PUM2: variants seen among roughly 807,000 people sequenced by gnomAD.
PUM2 encodes pumilio homolog 2.
PUM2 carries 57 observed loss-of-function variants against 124.5 expected under a neutral mutation model. The ratio of observed to expected loss-of-function variants is 0.46; its 90% CI spans 0.37 to 0.57. The LOEUF is 0.57. Among genes scored for constraint, PUM2 ranks in the 20% least tolerant of loss-of-function variants. The probability of loss-of-function intolerance (pLI) is 0.00; values close to 1 mark genes in which losing one functional copy is unlikely to be tolerated. For synonymous variants in PUM2, 460 were observed against 446.1 expected, an observed-to-expected ratio of 1.03 and a Z score of -0.39; for missense variants, 1,065 against 1,290.6, an observed-to-expected ratio of 0.83 and a Z score of 2.68.
At chr2:20,265,548 C>A (rs1321760856) in intron 13 of PUM2, among the ~76,000 whole-genome samples, 1 of 152,144 alleles carries the variant, frequency 6.6e-6, no homozygotes. Flanking sequence ...AGCATCTTTG[C>A]CCTTTTAGAA....
In PUM2 at chr2:20,271,511, G is replaced by A. The variant is rs532757623; in HGVS notation, c.1957+7072C>T. 1.8e-4 allele frequency among the ~76,000 whole-genome samples: 27 copies of A among 152,034 alleles called. No homozygotes were observed. In the South Asian group the frequency reaches 3.9e-3, roughly 22 times the overall value. ...GTATTTTTAATAGAGACGGGGTTTC[G>A]CCACATTGCCCAGGCTGGTCTCGAA... On this transcript the variant is annotated intron_variant, in intron 13 of 20. Transcript: ENST00000361078.
Position 20,251,453 on chromosome 2 carries a change from G to A in PUM2, c.*132C>T, listed in dbSNP as rs1192494005. 8.9e-6 allele frequency: 10 copies of A among 1,128,782 alleles called. No individual in the cohort carries two copies. Among genetic ancestry groups the A allele is most frequent in the African/African-American group, 1.6e-5 (1 of 63,322 alleles). 69.9% of individuals were successfully genotyped at this position (1,128,782 alleles called of 1,614,324 possible). A position where few individuals can be genotyped will look rare whatever the true frequency, so the allele number is the denominator to read the frequency against. On this transcript the variant is annotated 3_prime_UTR_variant, in exon 21 of 21. Transcript: ENST00000361078. ...AACCTTAAAAAATTTACAAATGGAT[G>A]AATAAAGTCAATAAATAGTTTTGCT...
Position 20,251,408 on chromosome 2 carries a change from AC to A in PUM2, c.*176del. 4 of 689,796 alleles carry A rather than the reference AC, an allele frequency of 5.8e-6. No individual in the cohort carries two copies. Among genetic ancestry groups the A allele is most frequent in the Non-Finnish European group, 6.8e-6 (3 of 443,754 alleles). 42.7% of individuals were successfully genotyped at this position (689,796 alleles called of 1,614,324 possible). A position where few individuals can be genotyped will look rare whatever the true frequency, so the allele number is the denominator to read the frequency against. On this transcript the variant is annotated 3_prime_UTR_variant, in exon 21 of 21. Transcript: ENST00000361078. Reference sequence around the variant, plus strand: ...GAATATAATTTATAATTCATCCCCCACCCCCCAAATATACACAAGAACCTTA... The same window carrying A: ...GAATATAATTTATAATTCATCCCCCACCCCCAAATATACACAAGAACCTTA...
chr2:20,339,746 G>A (rs1448533921), intron 1 of PUM2, among the ~76,000 whole-genome samples: 1 of 152,126 alleles, frequency 6.6e-6, no homozygotes, highest in Admixed American at 6.5e-5. Flanking sequence ...CAACTGTGGG[G>A]GCACACGCCT....
chr2:20,263,466 ACAAAG>A lies in PUM2; in HGVS notation c.1958-11_1958-7del. 2 of 1,591,596 alleles carry A rather than the reference ACAAAG, an allele frequency of 1.3e-6. No individual in the cohort carries two copies. Among genetic ancestry groups the A allele is most frequent in the Non-Finnish European group, 1.7e-6 (2 of 1,162,982 alleles). ...ACTACCATTTGTCAGTCCTCCTACA[ACAAAG>A]CAGCTATGGTCAGCAAGTATTTTTG... On this transcript the variant is annotated splice_polypyrimidine_tract_variant and splice_region_variant and intron_variant, in intron 13 of 20. Transcript: ENST00000361078.
intron 2 of PUM2, among the ~76,000 whole-genome samples, chr2:20,323,721 A>T (rs1375511085): frequency 1.3e-5 from 2 of 152,098 alleles, no homozygotes; most frequent in East Asian, 3.9e-4. Flanking sequence ...CACATTCTGC[A>T]TAAGGAAAAC....
At chr2:20,327,248 A>T in intron 2 of PUM2, 62 bp downstream of exon 2, 1 of 1,235,252 alleles carries the variant, frequency 8.1e-7, no homozygotes, top group Non-Finnish European at 1.2e-6. Flanking sequence ...AAAAAAAAAA[A>T]ATAAGTTACA....
intron 1 of PUM2, among the ~76,000 whole-genome samples, chr2:20,341,567 G>A (rs1687233649): frequency 6.6e-6 from 1 of 152,110 alleles, no homozygotes; most frequent in Admixed American, 6.5e-5. Context: ...AGGTACTGTT[G>A]GCTTTATCTT....
At chr2:20,344,596 T>C (rs1200191787) in intron 1 of PUM2, among the ~76,000 whole-genome samples, 1 of 152,168 alleles carries the variant, frequency 6.6e-6, no homozygotes, top group Non-Finnish European at 1.5e-5. Flanking sequence ...TAAACTCTTG[T>C]CATTCTACCC....
chr2:20,251,252 T>G lies in PUM2; in HGVS notation c.*333A>C, dbSNP rs1663225418. 1 of 191,862 alleles carries G rather than the reference T, an allele frequency of 5.2e-6. No individual in the cohort carries two copies. Among genetic ancestry groups the G allele is most frequent in the African/African-American group, 2.4e-5 (1 of 42,402 alleles). 11.9% of individuals were successfully genotyped at this position (191,862 alleles called of 1,614,324 possible). On this transcript the variant is annotated 3_prime_UTR_variant, in exon 21 of 21. Coordinates refer to ENST00000361078, the MANE Select transcript of PUM2 (RefSeq NM_015317.5). ...ATACTGTACTTTTTCCTTTAAAAACTATTTTTGTGACTTTACAAGGTAAAA... is the reference window on the plus strand; with the variant it reads ...ATACTGTACTTTTTCCTTTAAAAACGATTTTTGTGACTTTACAAGGTAAAA...
At chr2:20,291,081 AAT>A (rs774441512) in intron 9 of PUM2, among the ~76,000 whole-genome samples, 1 of 151,390 alleles carries the variant, frequency 6.6e-6, no homozygotes, top group African/African-American at 2.4e-5. Context: ...TTTAAAAAAT[AAT>A]AATAATAATA....
At chr2:20,345,457 T>G (rs1688066462) in intron 1 of PUM2, among the ~76,000 whole-genome samples, 1 of 152,126 alleles carries the variant, frequency 6.6e-6, no homozygotes, top group Non-Finnish European at 1.5e-5. Context: ...CATGCTGCAC[T>G]GTAATCACAA....
chr2:20,263,227 T>G lies in PUM2; in HGVS notation c.2191A>C (p.Ile731Leu), dbSNP rs1666719183. ...TGCTGGTCTTGAGAAAACTCAACTA[T>G]ATGTCCAATCAAGTCTCTAAGCTGA... ...NLQLRDLIGH[I>L]VEFSQDQHGS... Residue 731 changes from isoleucine to leucine, a missense_variant, in exon 14 of 21, where the codon ATA becomes CTA. Physicochemically the swap from Ile to Leu is conservative, Grantham distance 5. Coordinates refer to ENST00000361078, the MANE Select transcript of PUM2 (RefSeq NM_015317.5). 1 of 1,602,928 alleles carries G rather than the reference T, an allele frequency of 6.2e-7. No individual in the cohort carries two copies. Among genetic ancestry groups the G allele is most frequent in the Non-Finnish European group, 8.5e-7 (1 of 1,169,840 alleles).
intron 3 of PUM2, among the ~76,000 whole-genome samples, chr2:20,317,691 T>G (rs909031558): frequency 6.6e-6 from 1 of 152,136 alleles, no homozygotes; most frequent in Admixed American, 6.6e-5. Flanking sequence ...TTTTTTCTGA[T>G]CCTCTCCCTC....
chr2:20,331,710 G>T (rs1684960019), intron 1 of PUM2: 3 of 152,016 alleles, frequency 2.0e-5, no homozygotes, highest in Admixed American at 2.0e-4. Context: ...AAGCACTAGA[G>T]CTTTACCTTT....
At chr2:20,263,073 G>C (rs932445214) in intron 14 of PUM2, 120 bp downstream of exon 14, 1 of 886,932 alleles carries the variant, frequency 1.1e-6, no homozygotes, top group South Asian at 2.0e-5. Context: ...AATCCATATT[G>C]AATTTTAGCT....
At chr2:20,335,266 T>C (rs1210772004) in intron 1 of PUM2, among the ~76,000 whole-genome samples, 2 of 152,236 alleles carry the variant, frequency 1.3e-5, no homozygotes, top group East Asian at 3.8e-4. Flanking sequence ...ATCCGTGGTA[T>C]CTACGGCAAA....
intron 3 of PUM2, among the ~76,000 whole-genome samples, chr2:20,313,454 G>A (rs1485975799): frequency 6.6e-6 from 1 of 152,208 alleles, no homozygotes; most frequent in African/African-American, 2.4e-5. Flanking sequence ...TAAAGGATCA[G>A]TTGCTTATAA....
At chr2:20,290,881 C>T (rs1255953440) in intron 9 of PUM2, 91 bp from the exon 10 acceptor site, 2 of 1,058,560 alleles carry the variant, frequency 1.9e-6, no homozygotes, top group Non-Finnish European at 2.6e-6. Context: ...TACAAACAGC[C>T]TTTGGATATT....
Sources: allele counts gnomAD v4.1 joint callset (sites outside exome capture counted in the v4.1 genomes callset), GRCh38; gene constraint gnomAD v4.1.1; transcripts MANE v1.5; gene names NCBI Gene and HGNC (gene_info 2026-07-23, HGNC 2026-07-21).